The following CHRDL1 variants were observed in gnomAD, a reference collection of about 807,000 sequenced individuals.
CHRDL1 encodes the protein chordin like 1.
Under a neutral mutation model 40.9 loss-of-function variants are expected in CHRDL1, and 19 were observed. That is an observed-to-expected ratio of 0.46 (90% confidence interval 0.32 to 0.68). The LOEUF (loss-of-function observed/expected upper bound fraction) is 0.68. Among genes scored for constraint, CHRDL1 ranks in the 30% least tolerant of loss-of-function variants. The probability of loss-of-function intolerance (pLI) is 0.03; values close to 1 mark genes in which losing one functional copy is unlikely to be tolerated. For missense variants in CHRDL1, 329 were observed against 352.1 expected (o/e 0.93, Z 0.53); for synonymous variants, 136 against 123.4 (o/e 1.10, Z -0.68).
rs12013614 is a variant in CHRDL1 at position 110,686,898 on chromosome X, T to C, written c.988+1696A>G. ...GACTCTGTCTCAAAAAAACAAAAAA[T>C]AAAAAAAAAAATAAAAAGAATGTGT... is the stretch of plus-strand genomic sequence containing the variant. On this transcript the variant is annotated intron_variant, in intron 9 of 11. Transcript: ENST00000372042. Among the ~76,000 whole-genome samples, 183 of 90,993 alleles carry C rather than the reference T, an allele frequency of 2.0e-3. 1 individual carries two copies. Among genetic ancestry groups the C allele is most frequent in the African/African-American group, 7.7e-3 (178 of 23,137 alleles). 79.0% of individuals were successfully genotyped at this position (90,993 alleles called of 115,157 possible).
At chrX:110,716,994 G>T (rs755778240) in intron 6 of CHRDL1, among the ~76,000 whole-genome samples, 2 of 111,678 alleles carry the variant, frequency 1.8e-5, no homozygotes, top group African/African-American at 6.5e-5. Context: ...GAAATTGGTT[G>T]CTTTTCCACT....
At chrX:110,786,365 C>T (rs1177238572) in intron 2 of CHRDL1, among the ~76,000 whole-genome samples, 1 of 111,827 alleles carries the variant, frequency 8.9e-6, no homozygotes, top group East Asian at 2.8e-4. Flanking sequence ...AGCAGACAGG[C>T]TATAAATCTT....
intron 9 of CHRDL1, 82 bp from the exon 10 acceptor site, chrX:110,681,731 C>A: frequency 1.5e-6 from 1 of 685,159 alleles, no homozygotes; most frequent in South Asian, 2.7e-5. Flanking sequence ...TCTCATTGTT[C>A]ATAACATCTC....
intron 4 of CHRDL1, among the ~76,000 whole-genome samples, chrX:110,733,323 G>A (rs1168336697): frequency 5.4e-5 from 6 of 111,279 alleles, no homozygotes; most frequent in Admixed American, 4.8e-4. Context: ...TGTATCCCCT[G>A]AGGATGTGCC....
intron 4 of CHRDL1, among the ~76,000 whole-genome samples, chrX:110,751,690 G>C (rs2089361371): frequency 8.9e-6 from 1 of 111,854 alleles, no homozygotes; most frequent in African/African-American, 3.3e-5. Context: ...AATCAGTACA[G>C]CTACTATGGA....
In CHRDL1 at chrX:110,694,158, C is replaced by T; in HGVS notation, c.778+5G>A. The T allele has an allele frequency of 8.3e-7, 1 of 1,200,208 alleles. No individual in the cohort carries two copies. The highest frequency in any genetic ancestry group is 1.1e-6 in the Non-Finnish European group (1 of 885,888). The stretch of plus-strand genomic sequence containing the variant: ...GGAAGTATACAAAAGAAGGATGCCC[C>T]TTACCTTGTCCATGCTTGTGTTTGT... On this transcript the variant is annotated splice_donor_5th_base_variant and intron_variant, in intron 8 of 11. Transcript: ENST00000372042.
At chrX:110,690,363 C>G (rs2070250231) in intron 8 of CHRDL1, among the ~76,000 whole-genome samples, 1 of 107,752 alleles carries the variant, frequency 9.3e-6, no homozygotes, top group Non-Finnish European at 1.9e-5. Context: ...TATATATATT[C>G]TCATATATAT....
intron 4 of CHRDL1, among the ~76,000 whole-genome samples, chrX:110,736,549 A>G (rs771228656): frequency 5.1e-4 from 57 of 111,738 alleles, no homozygotes; most frequent in Non-Finnish European, 8.3e-4. Context: ...TGGACTTACC[A>G]AGGCTGGAAA....
Position 110,759,673 on chromosome X carries a change from G to T in CHRDL1, c.289C>A (p.Pro97Thr). The part of the protein sequence containing the change: ...SPVHIPHLCC[P>T]RCPEDSLPPV... Reference sequence around the variant, plus strand: ...CAAATTGCTTTACCTGGGCAGCGAGGGCAGCACAGATGAGGAATATGCACA... The same window carrying T: ...CAAATTGCTTTACCTGGGCAGCGAGTGCAGCACAGATGAGGAATATGCACA... The change falls in exon 4 of 12, where the codon CCT becomes ACT. Residue 97 changes from proline to threonine, a missense_variant. By Grantham distance (38) the Pro-to-Thr change is conservative. Transcript: ENST00000372042. 8.4e-7 allele frequency: 1 copy of T among 1,194,366 alleles called. No individual in the cohort carries two copies. Among genetic ancestry groups the T allele is most frequent in the Middle Eastern group, 2.3e-4 (1 of 4,310 alleles).
intron 2 of CHRDL1, among the ~76,000 whole-genome samples, chrX:110,774,525 G>A (rs2089816171): frequency 9.1e-6 from 1 of 110,350 alleles, no homozygotes; most frequent in Non-Finnish European, 1.9e-5. Flanking sequence ...GTGGAAATGG[G>A]AGATACAGGT....
At chrX:110,790,022 C>T (rs1192529748) in intron 2 of CHRDL1, among the ~76,000 whole-genome samples, 1 of 112,255 alleles carries the variant, frequency 8.9e-6, no homozygotes, top group Non-Finnish European at 1.9e-5. Context: ...CTGCTTCTGA[C>T]TTCTCACTGT....
chrX:110,776,354 A>C (rs919807646), intron 2 of CHRDL1, among the ~76,000 whole-genome samples: 20 of 110,989 alleles, frequency 1.8e-4, no homozygotes, highest in Non-Finnish European at 2.3e-4. Flanking sequence ...AATTCTCTGA[A>C]TACAGAATTC....
At chrX:110,767,928 ACTAAG>A (rs1194246453) in intron 2 of CHRDL1, among the ~76,000 whole-genome samples, 1 of 112,224 alleles carries the variant, frequency 8.9e-6, no homozygotes, top group African/African-American at 3.2e-5. Context: ...CCAAAGCAGG[ACTAAG>A]CAAAAAGAAC....
Position 110,764,364 on chromosome X carries a change from G to T in CHRDL1, c.95-1557C>A, listed in dbSNP as rs986224198. 4.4e-5 allele frequency among the ~76,000 whole-genome samples: 5 copies of T among 112,393 alleles called. No homozygotes were observed. The East Asian group carries it at 1.4e-3, about 32-fold the overall frequency. On this transcript the variant is annotated intron_variant, in intron 2 of 11. Transcript: ENST00000372042. ...TCAGGGACCCCGAACAGAGGGACTGGCTGGAGCCGTGGCAGAGGAACATAA... is the reference window on the plus strand; with the variant it reads ...TCAGGGACCCCGAACAGAGGGACTGTCTGGAGCCGTGGCAGAGGAACATAA...
intron 7 of CHRDL1, among the ~76,000 whole-genome samples, chrX:110,697,172 CTGAAAAATA>C (rs763505709): frequency 9.0e-6 from 1 of 110,960 alleles, no homozygotes; most frequent in East Asian, 2.8e-4. Context: ...ACTTGAAAGA[CTGAAAAATA>C]TTTCAGGCTT....
At chrX:110,743,205 A>T (rs997558875) in intron 4 of CHRDL1, among the ~76,000 whole-genome samples, 1 of 112,817 alleles carries the variant, frequency 8.9e-6, no homozygotes, top group Non-Finnish European at 1.9e-5. Flanking sequence ...GCTGGTATAG[A>T]CAACATGTAT....
chrX:110,752,342 A>G (rs965874222), intron 4 of CHRDL1, among the ~76,000 whole-genome samples: 2 of 112,563 alleles, frequency 1.8e-5, no homozygotes, highest in Admixed American at 1.9e-4. Flanking sequence ...TGCTGGGATT[A>G]CAGGCGTGAG....
At chrX:110,747,465 T>C (rs1254672300) in intron 4 of CHRDL1, among the ~76,000 whole-genome samples, 1 of 99,541 alleles carries the variant, frequency 1.0e-5, no homozygotes, top group Non-Finnish European at 2.0e-5. Flanking sequence ...ACCAAAACAA[T>C]GCAAACAAGT....
intron 1 of CHRDL1, among the ~76,000 whole-genome samples, chrX:110,794,627 C>A (rs2148546736): frequency 8.9e-6 from 1 of 112,696 alleles, no homozygotes; most frequent in Admixed American, 9.3e-5. Flanking sequence ...CCAACTGCTC[C>A]TTGCCCAGCT....
Sources: gnomAD v4.1 joint callset for allele counts (sites outside exome capture counted in the v4.1 genomes callset) on GRCh38, gnomAD v4.1.1 for gene constraint, MANE v1.5 for transcripts, NCBI Gene and HGNC (gene_info 2026-07-23, HGNC 2026-07-21) for gene names.